The following JAK1 variants were observed in gnomAD, a reference collection of about 807,000 sequenced individuals.
The protein encoded by JAK1 is Janus kinase 1.
Under a neutral mutation model 136.6 loss-of-function variants are expected in JAK1, and 16 were observed. That is an observed-to-expected ratio of 0.12 (90% CI 0.08 to 0.18). The LOEUF is 0.18. JAK1 is among the 10% of genes least tolerant of loss of function. The pLI, the probability that JAK1 is intolerant of heterozygous loss-of-function variation, is 1.00. For synonymous variants in JAK1, 492 were observed against 519.5 expected (o/e 0.95, Z 0.72); for missense variants, 859 against 1,450.1 (o/e 0.59, Z 6.62).
intron 5 of JAK1, among the ~76,000 whole-genome samples, chr1:64,872,409 C>A (rs1047911182): frequency 1.3e-5 from 2 of 152,140 alleles, no homozygotes; most frequent in Admixed American, 6.5e-5. Flanking sequence ...CTTAGAGAGA[C>A]CTTCTCTGAT....
rs144407447 is a variant in JAK1, at chr1:65,011,524, T to C, written c.-78+32956A>G. Reference sequence around the variant, plus strand: ...CCGATATCCAAAATAGGACTTTTCATTGAAATAGTTACTTAGAAAGCCAGA... The same window carrying C: ...CCGATATCCAAAATAGGACTTTTCACTGAAATAGTTACTTAGAAAGCCAGA... On this transcript the variant is annotated intron_variant, in intron 2 of 25. Transcript: ENST00000671954. 1.1e-3 allele frequency among the ~76,000 whole-genome samples: 171 copies of C among 152,262 alleles called. 1 individual carries two copies. Among genetic ancestry groups the C allele is most frequent in the South Asian group, 3.7e-3 (18 of 4,826 alleles).
chr1:65,056,556 A>G (rs1647548658), intron 1 of JAK1, among the ~76,000 whole-genome samples: 5 of 152,170 alleles, frequency 3.3e-5, no homozygotes, highest in Admixed American at 1.3e-4. Context: ...GGAGGACCTG[A>G]TAATACACCT....
intron 1 of JAK1, among the ~76,000 whole-genome samples, chr1:64,952,344 G>A (rs868241382): frequency 6.6e-6 from 1 of 152,082 alleles, no homozygotes; most frequent in African/African-American, 2.4e-5. Context: ...CTTAAAAGCC[G>A]GGTACCTTTA....
chr1:64,996,190 A>C (rs1034540765), intron 2 of JAK1, among the ~76,000 whole-genome samples: 1 of 152,194 alleles, frequency 6.6e-6, no homozygotes, highest in Non-Finnish European at 1.5e-5. Flanking sequence ...CACATGCATT[A>C]TCAACTCCTA....
chr1:64,933,714 C>G (rs953914368), intron 1 of JAK1, among the ~76,000 whole-genome samples: 1 of 152,194 alleles, frequency 6.6e-6, no homozygotes, highest in Admixed American at 6.5e-5. Context: ...TCTCTGACTA[C>G]ATGACAAAGA....
At chr1:64,891,849 T>C (rs1244105559) in intron 1 of JAK1, among the ~76,000 whole-genome samples, 3 of 152,236 alleles carry the variant, frequency 2.0e-5, no homozygotes, top group African/African-American at 7.2e-5. Context: ...ATAACTCACT[T>C]CTAACTATAG....
At chr1:64,942,600 T>C (rs1384059231) in intron 1 of JAK1, among the ~76,000 whole-genome samples, 2 of 152,240 alleles carry the variant, frequency 1.3e-5, no homozygotes, top group African/African-American at 4.8e-5. Flanking sequence ...CTGGCATCCC[T>C]ATGTTAGTTC....
intron 1 of JAK1, among the ~76,000 whole-genome samples, chr1:64,913,641 G>GAGGGAGGAAGGA (rs1645325598): frequency 1.8e-5 from 1 of 56,836 alleles, no homozygotes; most frequent in African/African-American, 7.7e-5. Flanking sequence ...GGGAGGAAGG[G>GAGGGAGGAAGGA]AGGAAGGAAG....
At chr1:64,974,019 T>C (rs1230448783) in intron 2 of JAK1, 1 of 152,224 alleles carries the variant, frequency 6.6e-6, no homozygotes, top group Non-Finnish European at 1.5e-5. Context: ...ATCATGTATG[T>C]ATATATAATT....
chr1:64,885,946 A>ATATGCACAACATGTATAATATGAT (rs1553164779), intron 2 of JAK1, among the ~76,000 whole-genome samples: 2 of 152,250 alleles, frequency 1.3e-5, no homozygotes, highest in African/African-American at 4.8e-5. Context: ...ATGATCATGC[A>ATATGCACAACATGTATAATATGAT]TATGCACAAC....
At chr1:64,842,918 G>A (rs2100983700) in intron 17 of JAK1, among the ~76,000 whole-genome samples, 1 of 152,176 alleles carries the variant, frequency 6.6e-6, no homozygotes, top group Admixed American at 6.5e-5. Context: ...CTCCCACCCT[G>A]CACTCTGGAC....
intron 1 of JAK1, among the ~76,000 whole-genome samples, chr1:64,896,598 G>A (rs777443557): frequency 3.9e-5 from 6 of 152,126 alleles, no homozygotes; most frequent in Admixed American, 6.5e-5. Context: ...CAACAAAAAC[G>A]CATTGTGTAA....
chr1:65,031,945 A>T (rs1569912700), intron 2 of JAK1, among the ~76,000 whole-genome samples: 1 of 151,186 alleles, frequency 6.6e-6, no homozygotes, highest in Non-Finnish European at 1.5e-5. Context: ...CTGGAAAAAC[A>T]CAGATTTTTC....
rs1646583981 is a variant in JAK1, at chr1:64,984,954, G to A, written c.-78+59526C>T. On this transcript the variant is annotated intron_variant, in intron 2 of 25. Transcript: ENST00000671954. This position sits in a 1 kb window ranked among gnomAD's most constrained non-coding sequence, Gnocchi z 4.1. ...CACAATAAACCAGGGAATGTGGTCT[G>A]GCCCAATTTCAAAGAAGACCACAAA... The A allele has an allele frequency of 2.9e-6, 3 of 1,035,358 alleles. No homozygotes were observed. In the Admixed American group the frequency reaches 5.2e-5, roughly 18 times the overall value. The allele number at this position is 1,035,358 out of a possible 1,614,324, so 64.1% of individuals were successfully genotyped here.
chr1:64,851,368 G>A (rs1218193577), intron 11 of JAK1, among the ~76,000 whole-genome samples: 2 of 152,202 alleles, frequency 1.3e-5, no homozygotes, highest in Non-Finnish European at 2.9e-5. Context: ...TGAATGACTG[G>A]CGTCTTTCTA....
intron 2 of JAK1, among the ~76,000 whole-genome samples, chr1:65,029,398 C>T (rs191810447): frequency 6.6e-6 from 1 of 152,158 alleles, no homozygotes; most frequent in East Asian, 1.9e-4. Flanking sequence ...ACACACCCAG[C>T]CTATTTTTCC....
intron 2 of JAK1, chr1:64,993,428 C>T (rs1003663424): frequency 2.6e-5 from 4 of 152,010 alleles, no homozygotes; most frequent in Non-Finnish European, 4.4e-5. Context: ...CAGTACAGTG[C>T]CCTACACAGT....
chr1:65,062,011 C>T (rs1223425159), intron 1 of JAK1, among the ~76,000 whole-genome samples: 1 of 151,964 alleles, frequency 6.6e-6, no homozygotes, highest in African/African-American at 2.4e-5. Context: ...TAATTAATCT[C>T]ATGCTATGTA....
chr1:64,884,721 T>G (rs1419074043), intron 2 of JAK1, among the ~76,000 whole-genome samples: 1 of 152,176 alleles, frequency 6.6e-6, no homozygotes, highest in Non-Finnish European at 1.5e-5. Context: ...TCAACTTTCT[T>G]TAGAATTCAG....
Sources: allele counts gnomAD v4.1 joint callset (sites outside exome capture counted in the v4.1 genomes callset), GRCh38; gene constraint gnomAD v4.1.1; non-coding constraint Gnocchi (gnomAD v3.1); transcripts MANE v1.5; gene names NCBI Gene and HGNC (gene_info 2026-07-23, HGNC 2026-07-21).